Variants in SS18 observed in about 807,000 individuals in gnomAD.
The protein encoded by SS18 is protein SSXT.
In SS18, 28 loss-of-function variants were observed where a neutral mutation model predicts 72.5. The ratio of observed to expected loss-of-function variants is 0.39; its 90% CI spans 0.29 to 0.53. The LOEUF (loss-of-function observed/expected upper bound fraction) is 0.53, where lower values mean the gene tolerates loss of function less well. Among genes scored for constraint, SS18 ranks in the 20% least tolerant of loss-of-function variants. The probability of loss-of-function intolerance (pLI) is 0.76; values close to 1 mark genes in which losing one functional copy is unlikely to be tolerated. For synonymous variants in SS18, 172 were observed against 164.2 expected (o/e 1.05, Z -0.37); for missense variants, 518 against 535.3 (o/e 0.97, Z 0.32).
chr18:26,082,570 T>G (rs1286422297), intron 2 of SS18: 2 of 935,196 alleles, frequency 2.1e-6, no homozygotes, highest in East Asian at 2.3e-4. Context: ...CAAACATAGG[T>G]TGATTTAGAA....
chr18:26,061,109 C>G (rs1012469000), intron 3 of SS18, among the ~76,000 whole-genome samples: 1 of 152,136 alleles, frequency 6.6e-6, no homozygotes, highest in Admixed American at 6.5e-5. Flanking sequence ...GTCAGGAGAT[C>G]GAGACCATCC....
chr18:26,062,799 C>T (rs149015960), intron 3 of SS18, among the ~76,000 whole-genome samples: 1 of 152,140 alleles, frequency 6.6e-6, no homozygotes, highest in African/African-American at 2.4e-5. Context: ...TGCTTTATTA[C>T]GATAAAAGTT....
chr18:26,065,629 A>G (rs116611045), intron 3 of SS18, among the ~76,000 whole-genome samples: 3,013 of 151,716 alleles, frequency 0.02, 109 homozygotes, highest in African/African-American at 0.068. Context: ...TTAACAGGAT[A>G]CAGAATTATC....
chr18:26,044,575 C>G (rs1224087946), intron 5 of SS18, among the ~76,000 whole-genome samples: 2 of 151,824 alleles, frequency 1.3e-5, no homozygotes, highest in Non-Finnish European at 2.9e-5. Flanking sequence ...CCACCCACCT[C>G]GGCATCCCAA....
rs142833229 is a variant in SS18, at chr18:26,029,368, T to C, written c.1230+3031A>G. 5.6e-3 allele frequency among the ~76,000 whole-genome samples: 859 copies of C among 152,340 alleles called. 11 individuals carry two copies. Among genetic ancestry groups the C allele is most frequent in the African/African-American group, 0.019 (810 of 41,572 alleles). On this transcript the variant is annotated intron_variant, in intron 10 of 10. Transcript: ENST00000415083. ...CTTTAAAACATTACTCTGGGTCCCA[T>C]GTGCAGAGTATCTTGTAGAGGAGGC...
chr18:26,055,167 A>AAGG (rs547023626), intron 4 of SS18, among the ~76,000 whole-genome samples: 24 of 152,064 alleles, frequency 1.6e-4, no homozygotes, highest in Non-Finnish European at 2.6e-4. Context: ...AGCTTTTAAA[A>AAGG]AATCAATTAA....
Position 26,052,768 on chromosome 18 carries a change from T to C in SS18, c.463A>G (p.Ser155Gly). The C allele has an allele frequency of 3.1e-6, 5 of 1,614,174 alleles. No individual in the cohort carries two copies. The highest frequency in any genetic ancestry group is 4.2e-6 in the Non-Finnish European group (5 of 1,179,996). Residue 155 changes from serine (S) to glycine (G), a missense_variant, in exon 5 of 11, where the codon AGT becomes GGT. Physicochemically the swap from Ser to Gly is moderately conservative, Grantham distance 56. Coordinates refer to ENST00000415083, the MANE Select transcript of SS18 (RefSeq NM_001007559.3). Reference protein sequence around the residue: ...MTNSSMNMPSSSHGSMGGYNH... With the variant: ...MTNSSMNMPSGSHGSMGGYNH... ...TAACCTCCCATGGATCCATGGCTAC[T>C]TGAAGGCATATTCATGGAACTGTTT... is the stretch of plus-strand genomic sequence containing the variant.
At chr18:26,089,788 G>T (rs906238171) in intron 1 of SS18, 1 of 152,282 alleles carries the variant, frequency 6.6e-6, no homozygotes, top group Non-Finnish European at 1.5e-5. Flanking sequence ...TCCACCATTA[G>T]ACTGTAAGCT....
chr18:26,019,582 G>A (rs1265960892), intron 10 of SS18, among the ~76,000 whole-genome samples: 3 of 151,826 alleles, frequency 2.0e-5, no homozygotes, highest in Non-Finnish European at 2.9e-5. Context: ...AGGCCAAGGC[G>A]GGTGATTCAC....
chr18:26,082,424 C>T, intron 2 of SS18: 1 of 973,936 alleles, frequency 1.0e-6, no homozygotes, highest in Non-Finnish European at 1.2e-6. Context: ...AAGTTATCTT[C>T]CAAACTACAG....
At chr18:26,073,865 T>G (rs2054361171) in intron 3 of SS18, among the ~76,000 whole-genome samples, 1 of 152,220 alleles carries the variant, frequency 6.6e-6, no homozygotes, top group African/African-American at 2.4e-5. Context: ...ATACCATTTT[T>G]ACTTGAAAGA....
intron 5 of SS18, among the ~76,000 whole-genome samples, chr18:26,050,258 C>A (rs1331109232): frequency 3.3e-5 from 5 of 151,526 alleles, no homozygotes; most frequent in African/African-American, 1.2e-4. Context: ...AAAATTTGTG[C>A]TAAAGTGCTC....
At position 26,054,628 on chromosome 18, in the gene SS18, G is replaced by A. The variant is rs78739848; in HGVS notation, c.386-1783C>T. On this transcript the variant is annotated intron_variant, in intron 4 of 10. Transcript: ENST00000415083. ...AATGGTCTCCAAGATATATCTTTGA[G>A]AAAGAAAAGATACATAATAGTATTT... Among the ~76,000 whole-genome samples, 34 of 151,318 alleles carry A rather than the reference G, an allele frequency of 2.2e-4. No homozygotes were observed. The East Asian group carries it at 6.6e-3, about 29-fold the overall frequency.
At chr18:26,042,842 C>G (rs1282548441) in intron 5 of SS18, among the ~76,000 whole-genome samples, 1 of 151,994 alleles carries the variant, frequency 6.6e-6, no homozygotes, top group South Asian at 2.1e-4. Context: ...TTGTTTTAAT[C>G]TGTCAATTCT....
At chr18:26,087,673 G>A (rs1274286836) in intron 1 of SS18, 96 bp from the exon 2 acceptor site, 1 of 698,074 alleles carries the variant, frequency 1.4e-6, no homozygotes, top group Non-Finnish European at 2.5e-6. Flanking sequence ...AGTAAATACT[G>A]CTTGTACAAG....
At chr18:26,029,951 GAGA>G (rs1425415211) in intron 10 of SS18, among the ~76,000 whole-genome samples, 1 of 152,162 alleles carries the variant, frequency 6.6e-6, no homozygotes, top group Admixed American at 6.6e-5. Context: ...AGTGGGGAAG[GAGA>G]AGTGGTTGGC....
Position 26,062,678 on chromosome 18 carries a change from A to G in SS18, c.232-4936T>C, listed in dbSNP as rs147765860. On this transcript the variant is annotated intron_variant, in intron 3 of 10. Coordinates refer to ENST00000415083, the MANE Select transcript of SS18 (RefSeq NM_001007559.3). Reference sequence around the variant, plus strand: ...ACTTTAAAGTCAAGGGAACAGATATATTAAAAGAAAAAAATGGAAAAAGAT... The same window carrying G: ...ACTTTAAAGTCAAGGGAACAGATATGTTAAAAGAAAAAAATGGAAAAAGAT... Among the ~76,000 whole-genome samples, 393 of 152,300 alleles carry G rather than the reference A, an allele frequency of 2.6e-3. 2 individuals carry two copies. The highest frequency in any genetic ancestry group is 8.7e-3 in the African/African-American group (363 of 41,594).
chr18:26,068,469 G>C (rs959984426), intron 3 of SS18: 1 of 152,134 alleles, frequency 6.6e-6, no homozygotes, highest in Non-Finnish European at 1.5e-5. Flanking sequence ...TAAAAATTTA[G>C]TAAATGTTAC....
intron 3 of SS18, among the ~76,000 whole-genome samples, chr18:26,074,385 T>G (rs1366151252): frequency 1.3e-5 from 2 of 151,624 alleles, no homozygotes; most frequent in African/African-American, 4.8e-5. Flanking sequence ...GAAAAGGCTA[T>G]TAAAATATTC....
Sources: gnomAD v4.1 joint callset for allele counts (sites outside exome capture counted in the v4.1 genomes callset) on GRCh38, gnomAD v4.1.1 for gene constraint, MANE v1.5 for transcripts, NCBI Gene and HGNC (gene_info 2026-07-23, HGNC 2026-07-21) for gene names.